ERICH1: variants seen among roughly 807,000 people sequenced by gnomAD.
ERICH1 encodes glutamate-rich protein 1.
In ERICH1, 56 loss-of-function variants were observed where a neutral mutation model predicts 39.6. That is an observed-to-expected ratio of 1.41 (90% confidence interval 1.14 to 1.77). The LOEUF (loss-of-function observed/expected upper bound fraction) is 1.77. ERICH1 is among the 40% of genes most tolerant of loss of function. The pLI is 0.00. For missense variants in ERICH1, 826 were observed against 575.4 expected, an observed-to-expected ratio of 1.44 and a Z score of -4.45; for synonymous variants, 313 against 223.6, an observed-to-expected ratio of 1.40 and a Z score of -3.57.
At chr8:665,644 C>T (rs553937653) in intron 5 of ERICH1, among the ~76,000 whole-genome samples, 16 of 152,328 alleles carry the variant, frequency 1.1e-4, no homozygotes, top group South Asian at 4.1e-4. Flanking sequence ...TCTCAGTGCA[C>T]GGTGGGAGGA....
chr8:716,042 A>C, intron 1 of ERICH1, 35 bp from the exon 2 acceptor site: 1 of 1,568,974 alleles, frequency 6.4e-7, no homozygotes, highest in South Asian at 1.2e-5. Context: ...AAAGGAGGAA[A>C]AGGAATGAAT....
At chr8:688,253 C>CACCCCGCCCCCAGTTCCGCCCG (rs1486282338) in intron 3 of ERICH1, among the ~76,000 whole-genome samples, 13 of 88,644 alleles carry the variant, frequency 1.5e-4, no homozygotes, top group African/African-American at 4.9e-4. Context: ...GGTAAAGCGG[C>CACCCCGCCCCCAGTTCCGCCCG]ACCCCGCCCC....
At chr8:686,208 A>G (rs1487147676) in intron 3 of ERICH1, among the ~76,000 whole-genome samples, 1 of 152,078 alleles carries the variant, frequency 6.6e-6, no homozygotes, top group Non-Finnish European at 1.5e-5. Flanking sequence ...ATACTCTTTA[A>G]CTTCAATTAA....
intron 2 of ERICH1, among the ~76,000 whole-genome samples, chr8:705,103 C>G (rs769804439): frequency 6.6e-6 from 1 of 152,228 alleles, no homozygotes; most frequent in African/African-American, 2.4e-5. Context: ...AGAAACAGAT[C>G]GTGTGAAGTG....
chr8:630,927 C>G (rs1797987140), intron 3 of ERICH1, among the ~76,000 whole-genome samples: 1 of 149,368 alleles, frequency 6.7e-6, no homozygotes, highest in Non-Finnish European at 1.5e-5. Context: ...TGACCACCCA[C>G]ACAGACAGAG....
At chr8:715,744 T>C in intron 2 of ERICH1, 117 bp downstream of exon 2, 1 of 1,384,530 alleles carries the variant, frequency 7.2e-7, no homozygotes, top group Non-Finnish European at 9.8e-7. Context: ...CTGCAGGCCC[T>C]CTGCAGACCT....
intron 2 of ERICH1, among the ~76,000 whole-genome samples, chr8:698,568 C>G (rs1241161274): frequency 6.6e-6 from 1 of 152,002 alleles, no homozygotes; most frequent in Non-Finnish European, 1.5e-5. Context: ...TTCCTCAATT[C>G]TCAATGACAA....
chr8:630,452 C>A (rs1374790012), intron 3 of ERICH1, among the ~76,000 whole-genome samples: 1 of 136,804 alleles, frequency 7.3e-6, no homozygotes, highest in African/African-American at 2.8e-5. Context: ...TCACACCCTC[C>A]CGTGAGCACC....
chr8:717,124 C>G (rs982175455), intron 1 of ERICH1, among the ~76,000 whole-genome samples: 1 of 152,136 alleles, frequency 6.6e-6, no homozygotes. Context: ...GACTCTCCAC[C>G]TCCGCGGCTC....
chr8:687,970 G>A (rs1407813821), intron 3 of ERICH1, among the ~76,000 whole-genome samples: 5 of 148,128 alleles, frequency 3.4e-5, no homozygotes, highest in East Asian at 1.9e-4. Context: ...GCGAGAAGGC[G>A]CCGAGAGACC....
chr8:676,487 ACGCGGCGGCCCCTCGTGAGGACAGAGG>A (rs1563236935), intron 3 of ERICH1, among the ~76,000 whole-genome samples: 29 of 47,656 alleles, frequency 6.1e-4, no homozygotes, highest in East Asian at 2.0e-3. Context: ...GAGGACAGAG[ACGCGGCGGCCCCTCGTGAGGACAGAGG>A]CGCGGCGGCC....
chr8:690,321 C>A (rs993958502), intron 3 of ERICH1, among the ~76,000 whole-genome samples: 3 of 152,240 alleles, frequency 2.0e-5, no homozygotes, highest in African/African-American at 7.2e-5. Context: ...ACTGCTGGTA[C>A]TTAGGTCTTC....
chr8:660,002 G>A (rs1801179754), downstream of ERICH1, among the ~76,000 whole-genome samples: 1 of 152,244 alleles, frequency 6.6e-6, no homozygotes. Flanking sequence ...GCCCCCCAAG[G>A]GAAGGGGGCA....
At chr8:639,808 C>T (rs1363503061) in intron 3 of ERICH1, among the ~76,000 whole-genome samples, 3 of 124,996 alleles carry the variant, frequency 2.4e-5, no homozygotes, top group Admixed American at 8.4e-5. Context: ...CCTGGATTCA[C>T]AGGCAGCCAC....
intron 3 of ERICH1, among the ~76,000 whole-genome samples, chr8:652,981 C>T (rs1411989017): frequency 6.6e-6 from 1 of 152,196 alleles, no homozygotes; most frequent in Non-Finnish European, 1.5e-5. Context: ...GGAATGAGCA[C>T]ACTCATGTGC....
At chr8:677,574 A>G (rs553001355) in intron 3 of ERICH1, among the ~76,000 whole-genome samples, 1 of 152,302 alleles carries the variant, frequency 6.6e-6, no homozygotes, top group South Asian at 2.1e-4. Context: ...GGTCTGACCA[A>G]CCAGCCTGGT....
chr8:627,086 GA>G (rs1797629689), intron 3 of ERICH1: 1 of 455,818 alleles, frequency 2.2e-6, no homozygotes, highest in Non-Finnish European at 4.4e-6. Context: ...GCAGGACGGG[GA>G]TGGACGTATC....
In ERICH1 at chr8:649,038, C is replaced by T. The variant is rs1332312975; in HGVS notation, c.976+19560G>A. ...TGCATACTAGTGCAAATATGTTAAG[C>T]TCAGCAGGGTGATTTCCCAAATTCA... On this transcript the variant is annotated intron_variant, in intron 3 of 3. Coordinates refer to the ERICH1 transcript ENST00000522706. 2.9e-5 allele frequency among the ~76,000 whole-genome samples: 2 copies of T among 68,864 alleles called. 1 individual carries two copies. Among genetic ancestry groups the T allele is most frequent in the Non-Finnish European group, 9.1e-5 (2 of 22,000 alleles). The allele number at this position is 68,864 out of a possible 152,430, so 45.2% of individuals were successfully genotyped here. A position where few individuals can be genotyped will look rare whatever the true frequency, so the allele number is the denominator to read the frequency against.
intron 5 of ERICH1, chr8:666,128 A>C (rs1585128899): frequency 6.6e-6 from 1 of 152,218 alleles, no homozygotes; most frequent in African/African-American, 2.4e-5. Flanking sequence ...TCAGTGGCTT[A>C]ACATAAATGT....
Sources: allele counts gnomAD v4.1 joint callset (sites outside exome capture counted in the v4.1 genomes callset), GRCh38; gene constraint gnomAD v4.1.1; transcripts MANE v1.5; gene names NCBI Gene and HGNC (gene_info 2026-07-23, HGNC 2026-07-21).